Variants in B3GAT2 observed in about 807,000 individuals in gnomAD.
B3GAT2 encodes beta-1,3-glucuronyltransferase 2.
In B3GAT2, 26 loss-of-function variants were observed where a neutral mutation model predicts 27.8. That is an observed-to-expected ratio of 0.93 (90% CI 0.68 to 1.30). The LOEUF is 1.30. Ranked by LOEUF, B3GAT2 falls within the 50% of genes most tolerant of loss-of-function variation. The pLI is 0.00. For missense variants in B3GAT2, 458 were observed against 459.0 expected (o/e 1.00, Z 0.02); for synonymous variants, 218 against 195.1 (o/e 1.12, Z -0.98).
intron 1 of B3GAT2, among the ~76,000 whole-genome samples, chr6:70,906,604 T>C (rs949019530): frequency 1.3e-5 from 2 of 152,182 alleles, no homozygotes; most frequent in African/African-American, 4.8e-5. Context: ...CCACCTAAAG[T>C]GCTGATTATA....
At chr6:70,929,801 T>C (rs1372608317) in intron 1 of B3GAT2, among the ~76,000 whole-genome samples, 12 of 152,120 alleles carry the variant, frequency 7.9e-5, no homozygotes, top group Admixed American at 7.9e-4. Flanking sequence ...CCATCCCCAT[T>C]GAGCTACCAA....
chr6:70,886,002 G>A (rs998084986), intron 2 of B3GAT2, among the ~76,000 whole-genome samples: 2 of 152,208 alleles, frequency 1.3e-5, no homozygotes, highest in Non-Finnish European at 2.9e-5. Flanking sequence ...TGAACCCAAA[G>A]GCACAGTCTT....
Position 70,860,154 on chromosome 6 carries a change from A to G in B3GAT2, c.*1509T>C. ...TGTGTGGCTAAAGAAACAAGAATTA[A>G]AAGTGAAGTAAGCCTCTTGAACTAA... On this transcript the variant is annotated 3_prime_UTR_variant, in exon 4 of 4. Coordinates refer to ENST00000230053, the MANE Select transcript of B3GAT2 (RefSeq NM_080742.3). 6.5e-7 allele frequency: 1 copy of G among 1,530,104 alleles called. No individual in the cohort carries two copies. The highest frequency in any genetic ancestry group is 1.8e-4 in the Middle Eastern group (1 of 5,708). The allele number at this position is 1,530,104 out of a possible 1,614,324, so 94.8% of individuals were successfully genotyped here.
Position 70,938,677 on chromosome 6 carries a change from G to A in B3GAT2, c.591+17162C>T, listed in dbSNP as rs559773961. Reference sequence around the variant, plus strand: ...GAAAGGATTCCCTATTTAATAAATAGTGCTGGGAAAACTGGCTAGCCATAT... The same window carrying A: ...GAAAGGATTCCCTATTTAATAAATAATGCTGGGAAAACTGGCTAGCCATAT... On this transcript the variant is annotated intron_variant, in intron 1 of 3. Transcript: ENST00000230053. 2.9e-3 allele frequency among the ~76,000 whole-genome samples: 446 copies of A among 152,126 alleles called. 5 individuals are homozygous for A. The highest frequency in any genetic ancestry group is 0.021 in the Admixed American group (322 of 15,220).
In B3GAT2 at chr6:70,920,535, T is replaced by A. The variant is rs547876296; in HGVS notation, c.592-26263A>T. Among the ~76,000 whole-genome samples, 4 of 152,344 alleles carry A rather than the reference T, an allele frequency of 2.6e-5. No individual in the cohort carries two copies. In the South Asian group the frequency reaches 8.3e-4, roughly 32 times the overall value. Reference sequence around the variant, plus strand: ...TGCTGGGAGCTGTAGACCAGAACTGTTCCTATCCTGCCATTTGGAGCAACT... The same window carrying A: ...TGCTGGGAGCTGTAGACCAGAACTGATCCTATCCTGCCATTTGGAGCAACT... On this transcript the variant is annotated intron_variant, in intron 1 of 3. Coordinates refer to ENST00000230053, the MANE Select transcript of B3GAT2 (RefSeq NM_080742.3).
At chr6:70,890,186 C>G (rs551431834) in intron 2 of B3GAT2, among the ~76,000 whole-genome samples, 87 of 152,260 alleles carry the variant, frequency 5.7e-4, no homozygotes, top group African/African-American at 2.0e-3. Context: ...CATCATTCAT[C>G]CACCCCTTCT....
chr6:70,894,307 C>T, intron 1 of B3GAT2, 35 bp from the exon 2 acceptor site: 1 of 1,521,524 alleles, frequency 6.6e-7, no homozygotes, highest in Non-Finnish European at 8.9e-7. Context: ...TTTTAAGTTT[C>T]CTTAGGAAAA....
At chr6:70,871,212 T>G (rs926272456) in intron 2 of B3GAT2, among the ~76,000 whole-genome samples, 4 of 110,632 alleles carry the variant, frequency 3.6e-5, no homozygotes, top group Non-Finnish European at 7.8e-5. Flanking sequence ...CTGTCTGTTT[T>G]TTTTTTTTTG....
rs1056442323 is a variant in B3GAT2, at chr6:70,956,583, G to A, written c.-154C>T. The A allele has an allele frequency of 6.9e-7, 1 of 1,454,124 alleles. No individual in the cohort carries two copies. Among genetic ancestry groups the A allele is most frequent in the Admixed American group, 2.6e-5 (1 of 38,260 alleles). 90.1% of individuals were successfully genotyped at this position (1,454,124 alleles called of 1,614,324 possible). A position where few individuals can be genotyped will look rare whatever the true frequency, so the allele number is the denominator to read the frequency against. ...GGCGCTGCAGAGACCTGGAGCCGCG[G>A]GGCTCACTACCTGGGCGTGGAGGAG... On this transcript the variant is annotated 5_prime_UTR_variant, in exon 1 of 4. Transcript: ENST00000230053.
chr6:70,917,527 G>A (rs1186252594), intron 1 of B3GAT2, among the ~76,000 whole-genome samples: 2 of 152,062 alleles, frequency 1.3e-5, no homozygotes, highest in African/African-American at 4.8e-5. Flanking sequence ...TTCTCCTGTG[G>A]ACACTTAGTG....
At chr6:70,946,945 C>A (rs1433216832) in intron 1 of B3GAT2, among the ~76,000 whole-genome samples, 1 of 152,144 alleles carries the variant, frequency 6.6e-6, no homozygotes, top group Non-Finnish European at 1.5e-5. Flanking sequence ...AACTGCACAA[C>A]TGCATGGAAA....
intron 2 of B3GAT2, among the ~76,000 whole-genome samples, chr6:70,882,548 T>TC (rs1260995860): frequency 2.0e-4 from 30 of 152,090 alleles, no homozygotes; most frequent in Admixed American, 1.0e-3. Context: ...AAACTAGACT[T>TC]CTTCCAAAAC....
chr6:70,877,517 G>C (rs1772034499), intron 2 of B3GAT2, among the ~76,000 whole-genome samples: 1 of 152,120 alleles, frequency 6.6e-6, no homozygotes, highest in Admixed American at 6.5e-5. Context: ...GCTCTCCTCT[G>C]TACAGGTTTT....
Position 70,931,500 on chromosome 6 carries a change from C to T in B3GAT2, c.591+24339G>A, listed in dbSNP as rs1773062558. On this transcript the variant is annotated intron_variant, in intron 1 of 3. Coordinates refer to ENST00000230053, the MANE Select transcript of B3GAT2 (RefSeq NM_080742.3). ...AAACCAGCTATATTTGGGCAGCAGG[C>T]AAGAAGAACCCATCAGGTGGTTATG... Among the ~76,000 whole-genome samples, 4 of 152,110 alleles carry T rather than the reference C, an allele frequency of 2.6e-5. No homozygotes were observed. The South Asian group carries it at 8.3e-4, about 32-fold the overall frequency.
intron 1 of B3GAT2, among the ~76,000 whole-genome samples, chr6:70,927,760 T>G (rs988264744): frequency 1.3e-5 from 2 of 152,196 alleles, no homozygotes; most frequent in African/African-American, 2.4e-5. Flanking sequence ...AACACTCCAC[T>G]GTCAATATTA....
At chr6:70,936,497 T>G (rs989386441) in intron 1 of B3GAT2, among the ~76,000 whole-genome samples, 2 of 152,090 alleles carry the variant, frequency 1.3e-5, no homozygotes, top group Non-Finnish European at 2.9e-5. Context: ...GACCACATAG[T>G]TGGAAGTAAA....
rs1321099940 is a variant in B3GAT2, at chr6:70,870,448, G to A, written c.737-8470C>T. Among the ~76,000 whole-genome samples, 8 of 149,090 alleles carry A rather than the reference G, an allele frequency of 5.4e-5. No individual in the cohort carries two copies. In the South Asian group the frequency reaches 1.7e-3, roughly 32 times the overall value. On this transcript the variant is annotated intron_variant, in intron 2 of 3. Transcript: ENST00000230053. ...GGAGATATACCTAATGCTAAATGAC[G>A]AGTTAATGGGTGCAGCACACCAGCA...
At chr6:70,917,547 T>C (rs1772794349) in intron 1 of B3GAT2, among the ~76,000 whole-genome samples, 1 of 152,212 alleles carries the variant, frequency 6.6e-6, no homozygotes, top group Non-Finnish European at 1.5e-5. Context: ...GCTGTAAATT[T>C]CTCTCTACAC....
intron 1 of B3GAT2, among the ~76,000 whole-genome samples, chr6:70,910,010 AC>A (rs1772665084): frequency 6.6e-6 from 1 of 151,674 alleles, no homozygotes; most frequent in South Asian, 2.1e-4. Context: ...AGTAGCTGGG[AC>A]TGCAAAAGCC....
Sources: allele counts gnomAD v4.1 joint callset (sites outside exome capture counted in the v4.1 genomes callset), GRCh38; gene constraint gnomAD v4.1.1; transcripts MANE v1.5; gene names NCBI Gene and HGNC (gene_info 2026-07-23, HGNC 2026-07-21).